MAGI3: variants seen among roughly 807,000 people sequenced by gnomAD.
MAGI3 encodes membrane associated guanylate kinase, WW and PDZ domain containing 3.
In MAGI3, 43 loss-of-function variants were observed where a neutral mutation model predicts 121.8. That is an observed-to-expected ratio of 0.35 (90% confidence interval 0.28 to 0.46). The LOEUF (loss-of-function observed/expected upper bound fraction) is 0.46, where lower values mean the gene tolerates loss of function less well. Among genes scored for constraint, MAGI3 ranks in the 20% least tolerant of loss-of-function variants. The pLI is 1.00. For missense variants in MAGI3, 1,547 were observed against 1,797.3 expected (o/e 0.86, Z 2.52); for synonymous variants, 553 against 639.3 (o/e 0.86, Z 2.04).
intron 6 of MAGI3, among the ~76,000 whole-genome samples, chr1:113,601,058 CA>C (rs1181637108): frequency 1.3e-5 from 2 of 151,982 alleles, no homozygotes; most frequent in Non-Finnish European, 2.9e-5. Flanking sequence ...ACACCTTATA[CA>C]AAAATTAATT....
intron 2 of MAGI3, among the ~76,000 whole-genome samples, chr1:113,560,588 C>T (rs1028197334): frequency 1.3e-5 from 2 of 152,042 alleles, no homozygotes; most frequent in African/African-American, 4.8e-5. Context: ...AAAGACAACA[C>T]ATCAGAATCT....
chr1:113,622,337 A>G (rs1378913149), intron 8 of MAGI3, among the ~76,000 whole-genome samples: 3 of 48,132 alleles, frequency 6.2e-5, no homozygotes, highest in African/African-American at 2.6e-4. Context: ...GCATTTCAAA[A>G]GAACTATGTA....
rs1450826913 is a variant in MAGI3 at position 113,685,802 on chromosome 1, G to A, written c.*1788G>A. 6.6e-6 allele frequency: 1 copy of A among 152,194 alleles called. No homozygotes were observed. The allele number at this position is 152,194 out of a possible 1,614,324, so 9.4% of individuals were successfully genotyped here. ...GGCCTTGGAATGCTGAGCAAAATGT[G>A]GATGTACTGGTTGTAAATGTTTATA... On this transcript the variant is annotated 3_prime_UTR_variant, in exon 21 of 21. Transcript: ENST00000307546.
chr1:113,451,895 T>C (rs1444762810), intron 1 of MAGI3, among the ~76,000 whole-genome samples: 2 of 152,186 alleles, frequency 1.3e-5, no homozygotes, highest in African/African-American at 4.8e-5. Flanking sequence ...CCACCTTCCA[T>C]TGGCAATCAC....
rs1200720647 is a variant in MAGI3, at chr1:113,390,814, C to G, written c.-220C>G. The G allele has an allele frequency of 2.8e-5, 7 of 246,146 alleles. No individual in the cohort carries two copies. In the East Asian group the frequency reaches 4.9e-4, roughly 17 times the overall value. The allele number at this position is 246,146 out of a possible 1,614,324, so 15.2% of individuals were successfully genotyped here. On this transcript the variant is annotated 5_prime_UTR_variant, in exon 1 of 21. Coordinates refer to ENST00000307546, the MANE Select transcript of MAGI3 (RefSeq NM_001142782.2). ...CGCGGTGGCCCTCGCGGAGTCCGGT[C>G]AGCCCCGGGGAGCGCAGCCGGGAGG...
At position 113,673,258 on chromosome 1, in the gene MAGI3, T is replaced by C. The variant is rs1424241933; in HGVS notation, c.3046-64T>C. Reference sequence around the variant, plus strand: ...ATTTCTTCCAGCTATAGAAGTAATCTTTCTTCAAAATGTAAGTAAACAGTC... The same window carrying C: ...ATTTCTTCCAGCTATAGAAGTAATCCTTCTTCAAAATGTAAGTAAACAGTC... On this transcript the variant is annotated intron_variant, in intron 18 of 20. Transcript: ENST00000307546. The C allele has an allele frequency of 2.6e-6, 4 of 1,531,770 alleles. No individual in the cohort carries two copies. In the African/African-American group the frequency reaches 4.2e-5, roughly 16 times the overall value. 94.9% of individuals were successfully genotyped at this position (1,531,770 alleles called of 1,614,324 possible).
rs142215815 is a variant in MAGI3, at chr1:113,486,888, G to T, written c.317-62627G>T. ...CACATGGCTAATTTTTAATTTTTTT[G>T]TGTGTGGCAACAGGGTCTTGCTATG... is the stretch of plus-strand genomic sequence containing the variant. On this transcript the variant is annotated intron_variant, in intron 1 of 20. Coordinates refer to ENST00000307546, the MANE Select transcript of MAGI3 (RefSeq NM_001142782.2). Among the ~76,000 whole-genome samples, 307 of 151,826 alleles carry T rather than the reference G, an allele frequency of 2.0e-3. 1 individual carries two copies. Among genetic ancestry groups the T allele is most frequent in the African/African-American group, 7.0e-3 (289 of 41,398 alleles).
rs772333757 is a variant in MAGI3 at position 113,682,871 on chromosome 1, ATG to A, written c.3329-24_3329-23del. Reference sequence around the variant, plus strand: ...CTATTTGTAATTCTAAAATTTAATAATGTTCCATTCAAATCACTTTTTTAGGT... The same window carrying A: ...CTATTTGTAATTCTAAAATTTAATAATTCCATTCAAATCACTTTTTTAGGT... On this transcript the variant is annotated intron_variant, in intron 20 of 20. Transcript: ENST00000307546. 4.6e-6 allele frequency: 7 copies of A among 1,524,102 alleles called. No individual in the cohort carries two copies. The South Asian group carries it at 9.3e-5, about 20-fold the overall frequency. 94.4% of individuals were successfully genotyped at this position (1,524,102 alleles called of 1,614,324 possible).
intron 2 of MAGI3, among the ~76,000 whole-genome samples, chr1:113,567,772 A>G (rs1660493497): frequency 1.3e-5 from 2 of 152,062 alleles, no homozygotes; most frequent in South Asian, 2.1e-4. Context: ...AGGAAAAGAC[A>G]GAAGGCTTTT....
Position 113,674,286 on chromosome 1 carries a change from G to A in MAGI3, c.3189+821G>A, listed in dbSNP as rs930386254. On this transcript the variant is annotated intron_variant, in intron 19 of 20. Transcript: ENST00000307546. ...GCATGCCTGTAATCCCAGCTACTTG[G>A]GAGGCTGAGGCAGGAGAATCACTTG... Among the ~76,000 whole-genome samples, 9 of 151,906 alleles carry A rather than the reference G, an allele frequency of 5.9e-5. No individual in the cohort carries two copies. In the East Asian group the frequency reaches 1.7e-3, roughly 29 times the overall value.
chr1:113,399,880 C>A (rs781687218), intron 1 of MAGI3, among the ~76,000 whole-genome samples: 2 of 152,056 alleles, frequency 1.3e-5, no homozygotes, highest in South Asian at 2.1e-4. Context: ...GAATTACTTT[C>A]CAAGGTGTTT....
At chr1:113,465,650 A>C (rs899920304) in intron 1 of MAGI3, among the ~76,000 whole-genome samples, 6 of 152,046 alleles carry the variant, frequency 3.9e-5, no homozygotes, top group Non-Finnish European at 8.8e-5. Flanking sequence ...AATATCTTTC[A>C]ATTTTTTTGG....
At chr1:113,434,259 G>T (rs1427931929) in intron 1 of MAGI3, among the ~76,000 whole-genome samples, 1 of 152,146 alleles carries the variant, frequency 6.6e-6, no homozygotes, top group African/African-American at 2.4e-5. Context: ...TTTGAGGGTT[G>T]TGAGTTAATC....
intron 6 of MAGI3, among the ~76,000 whole-genome samples, chr1:113,599,396 C>A (rs1348290942): frequency 6.6e-6 from 1 of 152,116 alleles, no homozygotes; most frequent in Non-Finnish European, 1.5e-5. Context: ...GATATCACCA[C>A]CGATCCCACA....
intron 1 of MAGI3, among the ~76,000 whole-genome samples, chr1:113,440,843 A>G (rs1653874809): frequency 6.6e-6 from 1 of 152,236 alleles, no homozygotes; most frequent in Admixed American, 6.5e-5. Flanking sequence ...TTTAATCCAT[A>G]TCACATAAAG....
intron 1 of MAGI3, among the ~76,000 whole-genome samples, chr1:113,506,616 C>T (rs1346265425): frequency 1.3e-5 from 2 of 152,062 alleles, no homozygotes; most frequent in Non-Finnish European, 2.9e-5. Flanking sequence ...CTCAAACAAC[C>T]CTATTGTAAC....
rs1428895454 is a variant in MAGI3, at chr1:113,468,714, G to A, written c.316+77365G>A. Among the ~76,000 whole-genome samples, 3 of 152,090 alleles carry A rather than the reference G, an allele frequency of 2.0e-5. No homozygotes were observed. In the East Asian group the frequency reaches 5.8e-4, roughly 29 times the overall value. ...TAATTTTAATTATTGATTACCCATT[G>A]CAATGATGTAATATGAATATATTTG... On this transcript the variant is annotated intron_variant, in intron 1 of 20. Transcript: ENST00000307546.
chr1:113,483,683 TAGATCTAAA>T (rs1444605155), intron 1 of MAGI3, among the ~76,000 whole-genome samples: 7 of 152,250 alleles, frequency 4.6e-5, no homozygotes, highest in African/African-American at 1.7e-4. Flanking sequence ...CTCTGTTGTT[TAGATCTAAA>T]AGATCTAAAG....
chr1:113,447,320 T>C (rs74513938), intron 1 of MAGI3, among the ~76,000 whole-genome samples: 3,550 of 152,252 alleles, frequency 0.023, 133 homozygotes, highest in African/African-American at 0.081. Flanking sequence ...CATTGTCCCA[T>C]GGCAAAAGGG....
Sources: allele counts gnomAD v4.1 joint callset (sites outside exome capture counted in the v4.1 genomes callset), GRCh38; gene constraint gnomAD v4.1.1; transcripts MANE v1.5; gene names NCBI Gene and HGNC (gene_info 2026-07-23, HGNC 2026-07-21).